Variants in MYRIP observed in about 807,000 individuals in gnomAD.
MYRIP encodes myosin VIIA and Rab interacting protein.
MYRIP carries 49 observed loss-of-function variants against 98.0 expected under a neutral mutation model. That is an observed-to-expected ratio of 0.50 (90% CI 0.40 to 0.63). The LOEUF (loss-of-function observed/expected upper bound fraction) is 0.63, where lower values mean the gene tolerates loss of function less well. MYRIP is among the 30% of genes least tolerant of loss of function. The probability of loss-of-function intolerance (pLI) is 0.00; values close to 1 mark genes in which losing one functional copy is unlikely to be tolerated. For synonymous variants in MYRIP, 404 were observed against 409.5 expected, an observed-to-expected ratio of 0.99 and a Z score of 0.16; for missense variants, 1,004 against 1,058.2, an observed-to-expected ratio of 0.95 and a Z score of 0.71.
At chr3:40,078,620 C>T (rs1378186198) in intron 3 of MYRIP, among the ~76,000 whole-genome samples, 1 of 152,330 alleles carries the variant, frequency 6.6e-6, no homozygotes, top group Middle Eastern at 3.4e-3. Context: ...TCAAGACTCT[C>T]TTCCTCCCAA....
At position 40,245,242 on chromosome 3, in the gene MYRIP, A is replaced by C. The variant is rs137941666; in HGVS notation, c.2262+635A>C. ...CTATGGCTGTTTGAAGTTTTCACAG[A>C]TATTCCCGTAGCCTTTGACTCTGTA... On this transcript the variant is annotated intron_variant, in intron 13 of 16. Transcript: ENST00000302541. Among the ~76,000 whole-genome samples the C allele has an allele frequency of 2.4e-4, 37 of 152,322 alleles. No homozygotes were observed. In the East Asian group the frequency reaches 6.0e-3, roughly 25 times the overall value.
In MYRIP at chr3:40,146,201, G is replaced by A. The variant is rs375203007; in HGVS notation, c.333-4847G>A. 3.3e-5 allele frequency among the ~76,000 whole-genome samples: 5 copies of A among 152,194 alleles called. No homozygotes were observed. In the East Asian group the frequency reaches 5.8e-4, roughly 18 times the overall value. On this transcript the variant is annotated intron_variant, in intron 3 of 16. Coordinates refer to ENST00000302541, the MANE Select transcript of MYRIP (RefSeq NM_015460.4). ...GAATAAAAATCAGAGTAAGAGGACT[G>A]TCATGTTGGCGTGGTAGTGGCATTT...
At chr3:40,180,070 C>T (rs994328961) in intron 8 of MYRIP, among the ~76,000 whole-genome samples, 4 of 152,168 alleles carry the variant, frequency 2.6e-5, no homozygotes, top group Non-Finnish European at 2.9e-5. Flanking sequence ...GCTGCATCAT[C>T]CAAACTGCTC....
chr3:40,257,314 C>T (rs991321781), intron 16 of MYRIP, among the ~76,000 whole-genome samples: 8 of 152,074 alleles, frequency 5.3e-5, no homozygotes, highest in African/African-American at 1.9e-4. Context: ...AGAGTGAGAC[C>T]CTGTCTCTAA....
intron 1 of MYRIP, among the ~76,000 whole-genome samples, chr3:39,853,500 G>C (rs1396478549): frequency 6.6e-6 from 1 of 152,082 alleles, no homozygotes; most frequent in Non-Finnish European, 1.5e-5. Context: ...GCATTTCCCT[G>C]ATCATTAGTG....
chr3:39,827,321 T>C (rs551373054), intron 1 of MYRIP, among the ~76,000 whole-genome samples: 8 of 152,228 alleles, frequency 5.3e-5, no homozygotes, highest in African/African-American at 1.2e-4. Flanking sequence ...CTGTGTTCAC[T>C]AGGCGGGTCT....
chr3:39,992,267 C>A (rs1016030867), intron 2 of MYRIP, among the ~76,000 whole-genome samples: 1 of 152,162 alleles, frequency 6.6e-6, no homozygotes, highest in Non-Finnish European at 1.5e-5. Flanking sequence ...GACTCTTTCC[C>A]CATGCAATGT....
At chr3:40,199,139 A>G (rs1951482090) in intron 10 of MYRIP, among the ~76,000 whole-genome samples, 1 of 152,180 alleles carries the variant, frequency 6.6e-6, no homozygotes, top group Admixed American at 6.5e-5. Flanking sequence ...CAATAAATCC[A>G]TTCCTTAAAG....
At chr3:39,957,841 C>A (rs1302056596) in intron 2 of MYRIP, among the ~76,000 whole-genome samples, 1 of 152,170 alleles carries the variant, frequency 6.6e-6, no homozygotes, top group Admixed American at 6.5e-5. Flanking sequence ...TCTCAGGATA[C>A]AAAATCAATG....
intron 1 of MYRIP, among the ~76,000 whole-genome samples, chr3:39,844,518 G>C (rs983529840): frequency 1.3e-5 from 2 of 152,216 alleles, no homozygotes; most frequent in African/African-American, 4.8e-5. Flanking sequence ...GGTGGCATAG[G>C]CATCTGAATG....
intron 11 of MYRIP, among the ~76,000 whole-genome samples, chr3:40,232,128 C>T (rs557598736): frequency 2.0e-5 from 3 of 152,188 alleles, no homozygotes; most frequent in African/African-American, 2.4e-5. Flanking sequence ...CCCTCTATCT[C>T]GTTCCCCTGG....
At chr3:40,176,908 C>CAAAAAAAAAAA (rs143992737) in intron 8 of MYRIP, among the ~76,000 whole-genome samples, 3 of 109,152 alleles carry the variant, frequency 2.7e-5, no homozygotes, top group African/African-American at 7.9e-5. Context: ...AACTCCATCT[C>CAAAAAAAAAAA]AAAAAAAAAA....
chr3:40,213,718 G>A (rs1952033069), intron 11 of MYRIP, among the ~76,000 whole-genome samples: 1 of 152,042 alleles, frequency 6.6e-6, no homozygotes, highest in Non-Finnish European at 1.5e-5. Flanking sequence ...CTTAACCATG[G>A]TAGTGCACAC....
intron 1 of MYRIP, among the ~76,000 whole-genome samples, chr3:39,816,371 C>A (rs1429906305): frequency 2.6e-5 from 4 of 152,196 alleles, no homozygotes; most frequent in African/African-American, 7.2e-5. Context: ...CGTGAGCCAC[C>A]GCACCAGCCT....
intron 3 of MYRIP, among the ~76,000 whole-genome samples, chr3:40,119,892 T>C (rs1224972153): frequency 6.6e-6 from 1 of 151,874 alleles, no homozygotes; most frequent in Non-Finnish European, 1.5e-5. Flanking sequence ...ATTGTGCACA[T>C]GTACCCTAAA....
chr3:40,232,658 T>G (rs1952694518), intron 11 of MYRIP, among the ~76,000 whole-genome samples: 1 of 152,226 alleles, frequency 6.6e-6, no homozygotes, highest in East Asian at 1.9e-4. Flanking sequence ...AAACCATGAC[T>G]GCCAAGCAAC....
At chr3:39,900,103 G>A (rs372815646) in intron 1 of MYRIP, among the ~76,000 whole-genome samples, 1 of 152,202 alleles carries the variant, frequency 6.6e-6, no homozygotes. Flanking sequence ...TTACAGGCTT[G>A]AGCCACTGTG....
intron 9 of MYRIP, among the ~76,000 whole-genome samples, chr3:40,183,415 C>G (rs2125619301): frequency 6.6e-6 from 1 of 152,360 alleles, no homozygotes; most frequent in African/African-American, 2.4e-5. Flanking sequence ...AGAGACTCTT[C>G]AACATGTATG....
At chr3:40,086,396 G>A (rs1171849966) in intron 3 of MYRIP, among the ~76,000 whole-genome samples, 1 of 152,220 alleles carries the variant, frequency 6.6e-6, no homozygotes, top group Non-Finnish European at 1.5e-5. Context: ...TCCCTCTGTA[G>A]AGGCTTCCTT....
Sources: gnomAD v4.1 joint callset for allele counts (sites outside exome capture counted in the v4.1 genomes callset) on GRCh38, gnomAD v4.1.1 for gene constraint, MANE v1.5 for transcripts, NCBI Gene and HGNC (gene_info 2026-07-23, HGNC 2026-07-21) for gene names.